The following TCF4 variants were observed in gnomAD, a reference collection of about 807,000 sequenced individuals.
The protein encoded by TCF4 is SL3-3 enhancer factor 2.
Under a neutral mutation model 82.1 loss-of-function variants are expected in TCF4, and 3 were observed. That is an observed-to-expected ratio of 0.04 (90% confidence interval 0.02 to 0.09). The LOEUF (loss-of-function observed/expected upper bound fraction) is 0.09, where lower values mean the gene tolerates loss of function less well. Among genes scored for constraint, TCF4 ranks in the 10% least tolerant of loss-of-function variants. The pLI, the probability that TCF4 is intolerant of heterozygous loss-of-function variation, is 1.00. For synonymous variants in TCF4, 276 were observed against 309.6 expected, an observed-to-expected ratio of 0.89 and a Z score of 1.14; for missense variants, 518 against 852.7, an observed-to-expected ratio of 0.61 and a Z score of 4.89.
At chr18:55,452,606 T>G (rs1383422028) in intron 5 of TCF4, 1 of 152,600 alleles carries the variant, frequency 6.6e-6, no homozygotes, top group Non-Finnish European at 1.5e-5. Flanking sequence ...AAAAGAGTGG[T>G]TGGTGGCTGG....
At chr18:55,480,870 G>A in intron 3 of TCF4, among the ~76,000 whole-genome samples, 1 of 152,162 alleles carries the variant, frequency 6.6e-6, no homozygotes, top group Admixed American at 6.5e-5. Context: ...TCGGGAGGCT[G>A]AGGAGGGTGT....
At chr18:55,327,725 T>C (rs892022033) in intron 8 of TCF4, among the ~76,000 whole-genome samples, 2 of 152,178 alleles carry the variant, frequency 1.3e-5, no homozygotes, top group African/African-American at 4.8e-5. Context: ...AAGTAAATAT[T>C]TGACTTCTAC....
Position 55,403,472 on chromosome 18 carries a change from G to A in TCF4, c.351C>T (p.Asn117=). ...GSYSSYGRES[N]LQGCHQQSLL... ...CACTTACCTGGTGGCAACCCTGTAA[G>A]TTTGATTCTCTCCCATAAGATGAGT... Residue 117 remains asparagine, a synonymous_variant, in exon 6 of 20, where the codon AAC becomes AAT. Coordinates refer to ENST00000354452, the MANE Select transcript of TCF4 (RefSeq NM_001083962.2). The A allele has an allele frequency of 6.2e-7, 1 of 1,613,808 alleles. No homozygotes were observed. Among genetic ancestry groups the A allele is most frequent in the Non-Finnish European group, 8.5e-7 (1 of 1,179,812 alleles).
chr18:55,397,432 C>CA (rs1246406123), intron 6 of TCF4, among the ~76,000 whole-genome samples: 3 of 152,102 alleles, frequency 2.0e-5, no homozygotes, highest in African/African-American at 7.2e-5. Flanking sequence ...CACTATCATT[C>CA]AAACAAACCA....
intron 11 of TCF4, chr18:55,268,104 C>G (rs1027793166): frequency 6.6e-6 from 1 of 152,074 alleles, no homozygotes; most frequent in African/African-American, 2.4e-5. Context: ...GTCATAGTGC[C>G]TCTCTCTCAA....
At chr18:55,242,742 T>C (rs1017883939) in intron 15 of TCF4, among the ~76,000 whole-genome samples, 2 of 152,112 alleles carry the variant, frequency 1.3e-5, no homozygotes, top group Admixed American at 1.3e-4. Context: ...CCCCAGTAGC[T>C]GGGATTACAG....
intron 6 of TCF4, among the ~76,000 whole-genome samples, chr18:55,364,732 AC>A (rs1300221222): frequency 6.6e-6 from 1 of 152,248 alleles, no homozygotes; most frequent in Non-Finnish European, 1.5e-5. Flanking sequence ...TACAGAATGT[AC>A]TGAAAACAAA....
intron 5 of TCF4, among the ~76,000 whole-genome samples, chr18:55,446,028 T>A (rs940634057): frequency 2.4e-4 from 36 of 152,162 alleles, no homozygotes; most frequent in Admixed American, 2.0e-3. Flanking sequence ...CAATAAGTTG[T>A]TAGCAGAATC....
rs2046083111 is a variant in TCF4, at chr18:55,223,097, G to A, written c.*4938C>T. On this transcript the variant is annotated 3_prime_UTR_variant, in exon 20 of 20. Transcript: ENST00000354452. ...TGGTGCAAAAGGTTAAGGCTGACTT[G>A]ACTTAGCAACCTGCAGCACAACCGA... 1 of 152,198 alleles carries A rather than the reference G, an allele frequency of 6.6e-6. No individual in the cohort carries two copies. Among genetic ancestry groups the A allele is most frequent in the Admixed American group, 6.5e-5 (1 of 15,274 alleles). 9.4% of individuals were successfully genotyped at this position (152,198 alleles called of 1,614,324 possible). A position where few individuals can be genotyped will look rare whatever the true frequency, so the allele number is the denominator to read the frequency against.
chr18:55,386,179 G>A (rs955523078), intron 6 of TCF4, among the ~76,000 whole-genome samples: 8 of 152,100 alleles, frequency 5.3e-5, no homozygotes, highest in African/African-American at 1.2e-4. Context: ...GAGTCCCCAC[G>A]GCTCCGCTGA....
chr18:55,621,420 T>A (rs200502010), intron 2 of TCF4, among the ~76,000 whole-genome samples: 12 of 59,394 alleles, frequency 2.0e-4, no homozygotes, highest in South Asian at 9.6e-4. Flanking sequence ...ATATATATAT[T>A]ATATATAATA....
chr18:55,424,543 A>C (rs1440087438), intron 5 of TCF4, among the ~76,000 whole-genome samples: 2 of 152,212 alleles, frequency 1.3e-5, no homozygotes, highest in Non-Finnish European at 2.9e-5. Flanking sequence ...AAAACAAAAC[A>C]AACAAAAAGC....
chr18:55,262,165 A>C (rs957650009), intron 11 of TCF4, among the ~76,000 whole-genome samples: 1 of 152,240 alleles, frequency 6.6e-6, no homozygotes, highest in Non-Finnish European at 1.5e-5. Context: ...CTCGAATTCC[A>C]GAGATAAAGT....
chr18:55,496,275 A>G (rs2096634777), intron 3 of TCF4: 1 of 152,188 alleles, frequency 6.6e-6, no homozygotes, highest in Non-Finnish European at 1.5e-5. Context: ...ACAGCGTGTT[A>G]CAATAAATTA....
chr18:55,407,173 A>T lies in TCF4; in HGVS notation c.305-3655T>A, dbSNP rs992431119. Among the ~76,000 whole-genome samples, 9 of 152,128 alleles carry T rather than the reference A, an allele frequency of 5.9e-5. No individual in the cohort carries two copies. The South Asian group carries it at 1.7e-3, about 28-fold the overall frequency. On this transcript the variant is annotated intron_variant, in intron 5 of 19. Coordinates refer to ENST00000354452, the MANE Select transcript of TCF4 (RefSeq NM_001083962.2). ...TATACCTAAAAGGACCAAATGTTAA[A>T]TTTTGCTGCTGGTGACGATTTGCCG...
Position 55,239,163 on chromosome 18 carries a change from T to C in TCF4, c.1351-4480A>G, listed in dbSNP as rs565052912. On this transcript the variant is annotated intron_variant, in intron 15 of 19. Transcript: ENST00000354452. ...TAAATGTCATTAGATATGCAATAAT[T>C]ATTTTGAATCACGTAAGCACCATAT... 3.8e-3 allele frequency among the ~76,000 whole-genome samples: 579 copies of C among 152,374 alleles called. 3 individuals carry two copies. Among genetic ancestry groups the C allele is most frequent in the African/African-American group, 0.013 (558 of 41,586 alleles).
intron 5 of TCF4, among the ~76,000 whole-genome samples, chr18:55,410,963 A>C (rs1569420207): frequency 6.6e-6 from 1 of 152,116 alleles, no homozygotes; most frequent in Non-Finnish European, 1.5e-5. Flanking sequence ...TCAGCCCCTC[A>C]CTTGGCATCC....
At chr18:55,422,530 T>C in intron 5 of TCF4, 1 of 890,700 alleles carries the variant, frequency 1.1e-6, no homozygotes, top group Non-Finnish European at 1.3e-6. Context: ...AGGCTAACAC[T>C]CATCACATGT....
intron 2 of TCF4, among the ~76,000 whole-genome samples, chr18:55,600,076 T>A (rs968811112): frequency 1.3e-5 from 2 of 152,210 alleles, no homozygotes; most frequent in African/African-American, 2.4e-5. Context: ...TGTGTAATAC[T>A]CCATTGTAGA....
Sources: gnomAD v4.1 joint callset for allele counts (sites outside exome capture counted in the v4.1 genomes callset) on GRCh38, gnomAD v4.1.1 for gene constraint, MANE v1.5 for transcripts, NCBI Gene and HGNC (gene_info 2026-07-23, HGNC 2026-07-21) for gene names.